The following ZFHX3 variants were observed in gnomAD, a reference collection of about 807,000 sequenced individuals.
The protein encoded by ZFHX3 is zinc finger homeobox 3.
In ZFHX3, 42 loss-of-function variants were observed where a neutral mutation model predicts 279.1. The observed-to-expected ratio is 0.15, with a 90% CI of 0.12 to 0.19. The LOEUF (loss-of-function observed/expected upper bound fraction) is 0.19, where lower values mean the gene tolerates loss of function less well. ZFHX3 is among the 10% of genes least tolerant of loss of function. ZFHX3 has a pLI of 1.00. For missense variants in ZFHX3, 4,981 were observed against 4,754.0 expected (o/e 1.05, Z -1.40); for synonymous variants, 2,293 against 1,957.8 (o/e 1.17, Z -4.52).
chr16:73,647,239 C>T (rs1051982403), intron 2 of ZFHX3, among the ~76,000 whole-genome samples: 1 of 152,080 alleles, frequency 6.6e-6, no homozygotes, highest in Non-Finnish European at 1.5e-5. Flanking sequence ...GTCTCAATCT[C>T]CTGACCTTGT....
intron 5 of ZFHX3, among the ~76,000 whole-genome samples, chr16:73,155,999 G>A (rs1363317127): frequency 1.3e-5 from 2 of 152,034 alleles, no homozygotes; most frequent in South Asian, 2.1e-4. Flanking sequence ...TTGGGAGGCC[G>A]AGATGGGCGG....
chr16:72,894,167 T>C (rs567493692), intron 3 of ZFHX3, among the ~76,000 whole-genome samples: 49 of 135,426 alleles, frequency 3.6e-4, no homozygotes, highest in Non-Finnish European at 6.2e-4. Context: ...AAAAAAAAAA[T>C]CCAGAATAAA....
chr16:73,673,743 C>G (rs2052926466), intron 2 of ZFHX3, among the ~76,000 whole-genome samples: 1 of 152,134 alleles, frequency 6.6e-6, no homozygotes, highest in Non-Finnish European at 1.5e-5. Context: ...TGGGGCAGAA[C>G]AGGGATAACA....
chr16:73,705,871 G>T (rs1002255386), intron 1 of ZFHX3, among the ~76,000 whole-genome samples: 4 of 152,106 alleles, frequency 2.6e-5, no homozygotes, highest in African/African-American at 4.8e-5. Flanking sequence ...CCTCAGATAG[G>T]TTCCTCTCAA....
chr16:73,622,074 C>T (rs2052369049), intron 2 of ZFHX3, among the ~76,000 whole-genome samples: 1 of 152,206 alleles, frequency 6.6e-6, no homozygotes, highest in Admixed American at 6.5e-5. Flanking sequence ...GCTCACCTGA[C>T]CCAAAACTTC....
intron 2 of ZFHX3, among the ~76,000 whole-genome samples, chr16:73,584,980 G>T (rs551094993): frequency 3.3e-5 from 5 of 152,176 alleles, no homozygotes; most frequent in African/African-American, 4.8e-5. Flanking sequence ...CATGAAAAAA[G>T]CTCAACATCA....
At chr16:73,260,843 C>T (rs976613696) in intron 4 of ZFHX3, among the ~76,000 whole-genome samples, 3 of 151,906 alleles carry the variant, frequency 2.0e-5, no homozygotes, top group Non-Finnish European at 2.9e-5. Context: ...CCACCATACC[C>T]GGCTAATTTT....
intron 1 of ZFHX3, among the ~76,000 whole-genome samples, chr16:73,806,960 C>T (rs756300416): frequency 3.3e-5 from 5 of 152,068 alleles, no homozygotes; most frequent in Non-Finnish European, 7.4e-5. Context: ...CCACCAACCA[C>T]GTGATGAGGT....
rs1383936762 is a variant in ZFHX3 at position 73,805,379 on chromosome 16, G to C, written c.-1608+86272C>G. 2.0e-5 allele frequency among the ~76,000 whole-genome samples: 3 copies of C among 152,124 alleles called. No homozygotes were observed. In the East Asian group the frequency reaches 5.8e-4, roughly 29 times the overall value. On this transcript the variant is annotated intron_variant, in intron 1 of 17. Transcript: ENST00000641206. The stretch of plus-strand genomic sequence containing the variant: ...AGATGGGGTTTCACCATGTTGGCCA[G>C]GATGGTCTTGAACTCCTGACTGCAG...
chr16:73,527,326 A>C lies in ZFHX3; in HGVS notation c.-1546-71068T>G, dbSNP rs916365231. The stretch of plus-strand genomic sequence containing the variant: ...CCATTTACCTTGCATTCTGTCAAAA[A>C]GGAGAAAAGAGGTTGTACTTTTGAG... On this transcript the variant is annotated intron_variant, in intron 2 of 17. Coordinates refer to the ZFHX3 transcript ENST00000641206. Among the ~76,000 whole-genome samples, 15 of 152,298 alleles carry C rather than the reference A, an allele frequency of 9.8e-5. No homozygotes were observed. The Middle Eastern group carries it at 0.014, about 138-fold the overall frequency.
At chr16:73,058,177 C>T (rs1037860632) in intron 1 of ZFHX3, among the ~76,000 whole-genome samples, 6 of 145,166 alleles carry the variant, frequency 4.1e-5, no homozygotes, top group South Asian at 2.1e-4. Flanking sequence ...CTCCACCCTC[C>T]CGGGGGTCGC....
At chr16:73,625,431 G>A (rs1326922907) in intron 2 of ZFHX3, among the ~76,000 whole-genome samples, 1 of 152,184 alleles carries the variant, frequency 6.6e-6, no homozygotes, top group African/African-American at 2.4e-5. Flanking sequence ...TCAGGATTCT[G>A]GGTGCCTTTC....
intron 4 of ZFHX3, among the ~76,000 whole-genome samples, chr16:73,308,074 G>C (rs1457703831): frequency 6.6e-6 from 1 of 151,744 alleles, no homozygotes; most frequent in Non-Finnish European, 1.5e-5. Flanking sequence ...AAGGCACTTA[G>C]AACTAGAGAG....
intron 1 of ZFHX3, among the ~76,000 whole-genome samples, chr16:73,729,534 C>T (rs1234880698): frequency 7.9e-6 from 1 of 126,166 alleles, no homozygotes; most frequent in African/African-American, 3.0e-5. Context: ...ATCTCAAAAA[C>T]AAACAAAAAA....
chr16:73,154,060 C>T (rs961022416), intron 5 of ZFHX3, among the ~76,000 whole-genome samples: 2 of 152,244 alleles, frequency 1.3e-5, no homozygotes, highest in African/African-American at 4.8e-5. Context: ...TGGCTGTCAA[C>T]GTGATGCTGG....
chr16:72,786,340 T>C lies in ZFHX3; in HGVS notation c.*824A>G, dbSNP rs1417217802. 1.3e-5 allele frequency: 2 copies of C among 150,808 alleles called. No individual in the cohort carries two copies. Among genetic ancestry groups the C allele is most frequent in the Non-Finnish European group, 3.0e-5 (2 of 67,722 alleles). 9.3% of individuals were successfully genotyped at this position (150,808 alleles called of 1,614,324 possible). A position where few individuals can be genotyped will look rare whatever the true frequency, so the allele number is the denominator to read the frequency against. On this transcript the variant is annotated 3_prime_UTR_variant, in exon 10 of 10. Transcript: ENST00000268489. ...CAAAAATGGTCATATCTATCATAAATACAGAAAGTCAGTTTTTAAAACTTA... is the reference window on the plus strand; with the variant it reads ...CAAAAATGGTCATATCTATCATAAACACAGAAAGTCAGTTTTTAAAACTTA...
At chr16:73,269,276 T>A (rs1009568195) in intron 4 of ZFHX3, among the ~76,000 whole-genome samples, 1 of 152,186 alleles carries the variant, frequency 6.6e-6, no homozygotes, top group African/African-American at 2.4e-5. Flanking sequence ...CAGGGAGCCA[T>A]TGGATGGTTC....
rs558143184 is a variant in ZFHX3, at chr16:73,623,238, A to T, written c.-1547+56942T>A. On this transcript the variant is annotated intron_variant, in intron 2 of 17. Transcript: ENST00000641206. ...TTTTTAGTAGAGACGGAGTTTCACC[A>T]TGTTAGCAAGGATGGTCTCAATCTC... Among the ~76,000 whole-genome samples, 8 of 152,156 alleles carry T rather than the reference A, an allele frequency of 5.3e-5. No homozygotes were observed. The South Asian group carries it at 1.5e-3, about 28-fold the overall frequency.
At chr16:73,055,456 G>T (rs931189786) in intron 1 of ZFHX3, among the ~76,000 whole-genome samples, 9 of 152,042 alleles carry the variant, frequency 5.9e-5, no homozygotes, top group Non-Finnish European at 1.0e-4. Flanking sequence ...CAGCTGTAGG[G>T]GTTTTGGCCT....
Sources: gnomAD v4.1 joint callset for allele counts (sites outside exome capture counted in the v4.1 genomes callset) on GRCh38, gnomAD v4.1.1 for gene constraint, MANE v1.5 for transcripts, NCBI Gene and HGNC (gene_info 2026-07-23, HGNC 2026-07-21) for gene names.